RBBP8NL: variants seen among roughly 807,000 people sequenced by gnomAD.
The protein encoded by RBBP8NL is RBBP8 N-terminal like.
In RBBP8NL, 59 loss-of-function variants were observed where a neutral mutation model predicts 62.2. That is an observed-to-expected ratio of 0.95 (90% confidence interval 0.77 to 1.18). The LOEUF (loss-of-function observed/expected upper bound fraction) is 1.18, where lower values mean the gene tolerates loss of function less well. Among genes scored for constraint, RBBP8NL ranks in the 50% most tolerant of loss-of-function variants. The pLI, the probability that RBBP8NL is intolerant of heterozygous loss-of-function variation, is 0.00. For missense variants in RBBP8NL, 896 were observed against 899.5 expected (o/e 1.00, Z 0.05); for synonymous variants, 412 against 394.1 (o/e 1.05, Z -0.54).
intron 1 of RBBP8NL, among the ~76,000 whole-genome samples, chr20:62,422,710 G>C (rs1167782345): frequency 7.1e-6 from 1 of 140,862 alleles, no homozygotes; most frequent in Non-Finnish European, 1.5e-5. Flanking sequence ...CTTGGAAGGA[G>C]GGTGTCCTAA....
At chr20:62,421,984 G>A (rs6121588) in intron 1 of RBBP8NL, among the ~76,000 whole-genome samples, 59,753 of 152,018 alleles carry the variant, frequency 0.39, 12,817 homozygotes, top group East Asian at 0.63. Context: ...CAACTGTGTC[G>A]GCCTCCTCCC....
chr20:62,410,801 A>G lies in RBBP8NL; in HGVS notation c.*77T>C, dbSNP rs1172233988. 2.7e-5 allele frequency: 26 copies of G among 954,932 alleles called. No homozygotes were observed. The highest frequency in any genetic ancestry group is 3.1e-4 in the Middle Eastern group (1 of 3,258). The allele number at this position is 954,932 out of a possible 1,614,324, so 59.2% of individuals were successfully genotyped here. A position where few individuals can be genotyped will look rare whatever the true frequency, so the allele number is the denominator to read the frequency against. On this transcript the variant is annotated 3_prime_UTR_variant, in exon 14 of 14. Coordinates refer to ENST00000252998, the MANE Select transcript of RBBP8NL (RefSeq NM_080833.3). ...CTGTGCAGGGCTGCCTGCTGGTTGG[A>G]TGGTGTGCCCTCTCCAGGCCCTGGT... is the stretch of plus-strand genomic sequence containing the variant.
Position 62,417,409 on chromosome 20 carries a change from T to C in RBBP8NL, c.105-90A>G, listed in dbSNP as rs1257616422. 3.9e-6 allele frequency: 4 copies of C among 1,016,236 alleles called. No homozygotes were observed. The Admixed American group carries it at 8.6e-5, about 22-fold the overall frequency. The allele number at this position is 1,016,236 out of a possible 1,614,324, so 63.0% of individuals were successfully genotyped here. On this transcript the variant is annotated intron_variant, in intron 3 of 13. Transcript: ENST00000252998. ...ATCCAGCCTGGGGGGGCAGCGCGAT[T>C]CGGCACCTGCAGCCTTGGTCTGGGG...
chr20:62,420,923 G>T (rs998976730), intron 1 of RBBP8NL, among the ~76,000 whole-genome samples: 1 of 152,248 alleles, frequency 6.6e-6, no homozygotes, highest in Non-Finnish European at 1.5e-5. Context: ...CTGGGGACCT[G>T]GGCTGGAGCA....
intron 1 of RBBP8NL, among the ~76,000 whole-genome samples, chr20:62,420,350 GCACACACACACACACACACACA>G (rs55946617): frequency 7.7e-6 from 1 of 129,768 alleles, no homozygotes; most frequent in African/African-American, 3.0e-5. Context: ...TGTCCCACAG[GCACACACACACACACACACACA>G]CACACACACA....
intron 10 of RBBP8NL, 64 bp from the exon 11 acceptor site, chr20:62,413,609 C>A: frequency 6.7e-7 from 1 of 1,493,190 alleles, no homozygotes; most frequent in Non-Finnish European, 8.9e-7. Context: ...CAACTCAGCC[C>A]TGGACAGCCG....
intron 9 of RBBP8NL, 129 bp from the exon 10 acceptor site, chr20:62,414,685 A>T: frequency 2.8e-6 from 3 of 1,077,084 alleles, no homozygotes; most frequent in Non-Finnish European, 2.5e-6. Flanking sequence ...GAGGTGCAGC[A>T]AGCTGCATGG....
intron 1 of RBBP8NL, among the ~76,000 whole-genome samples, chr20:62,425,172 C>T (rs1457612937): frequency 1.3e-5 from 2 of 152,178 alleles, no homozygotes; most frequent in Non-Finnish European, 2.9e-5. Flanking sequence ...TAGACAGGAG[C>T]GCTCAGTGAG....
chr20:62,413,296 G>A (rs780281718), intron 11 of RBBP8NL, 105 bp downstream of exon 11: 121 of 1,314,596 alleles, frequency 9.2e-5, no homozygotes, highest in Non-Finnish European at 1.2e-4. Flanking sequence ...GCAGGGCAGA[G>A]CTGGGCCTGG....
At position 62,416,300 on chromosome 20, in the gene RBBP8NL, C is replaced by T. The variant is rs937769719; in HGVS notation, c.314-64G>A. 1.8e-5 allele frequency: 23 copies of T among 1,263,612 alleles called. No individual in the cohort carries two copies. The African/African-American group carries it at 1.9e-4, about 11-fold the overall frequency. 78.3% of individuals were successfully genotyped at this position (1,263,612 alleles called of 1,614,324 possible). ...GGGGGGACAGGGGCAGGGGTGGGGT[C>T]GTCACAGCACCAGGGAAGCCCCTCA... On this transcript the variant is annotated intron_variant, in intron 5 of 13. Transcript: ENST00000252998.
At chr20:62,424,297 G>GT (rs1331255237) in intron 1 of RBBP8NL, among the ~76,000 whole-genome samples, 1 of 152,094 alleles carries the variant, frequency 6.6e-6, no homozygotes, top group South Asian at 2.1e-4. Flanking sequence ...CTGGGCCGTG[G>GT]GGGGGGCAGG....
intron 1 of RBBP8NL, among the ~76,000 whole-genome samples, chr20:62,425,962 ATAGCAGTGGCAGTGGCAG>A (rs1355561282): frequency 3.4e-5 from 5 of 148,836 alleles, no homozygotes; most frequent in South Asian, 2.1e-4. Flanking sequence ...TGGGAGTGGC[ATAGCAGTGGCAGTGGCAG>A]TAGCAGTGGC....
In RBBP8NL at chr20:62,414,401, G is replaced by A. The variant is rs868166821; in HGVS notation, c.950C>T (p.Pro317Leu). The part of the protein sequence containing the change: ...PLAPAAAPSD[P>L]RLQDLKAREA... ...TCTGGCCTTCAGGTCCTGGAGCCGG[G>A]GGTCGCTGGGGGCTGCAGCAGGGGC... The change falls in exon 10 of 14, where the codon CCC (proline) becomes CTC (leucine). Residue 317 changes from proline to leucine, a missense_variant. By Grantham distance (98) the Pro-to-Leu change is moderately conservative. Transcript: ENST00000252998. 1.3e-6 allele frequency: 2 copies of A among 1,534,906 alleles called. No individual in the cohort carries two copies. The highest frequency in any genetic ancestry group is 2.0e-5 in the Admixed American group (1 of 50,716).
intron 1 of RBBP8NL, among the ~76,000 whole-genome samples, chr20:62,422,564 A>C (rs1226593524): frequency 0.011 from 58 of 5,102 alleles, no homozygotes; most frequent in Admixed American, 0.017. Context: ...GGGGACGGGG[A>C]CTGGGGTGGG....
In RBBP8NL at chr20:62,415,442, T is replaced by C. The variant is rs930014062; in HGVS notation, c.627+136A>G. ...CCCACGCCAAATGGAGCGCAGTGGCTCCTGCCCGGGACAAAGGAGGGGCAC... is the reference window on the plus strand; with the variant it reads ...CCCACGCCAAATGGAGCGCAGTGGCCCCTGCCCGGGACAAAGGAGGGGCAC... On this transcript the variant is annotated intron_variant, in intron 8 of 13. Transcript: ENST00000252998. 1.5e-5 allele frequency: 20 copies of C among 1,372,092 alleles called. No individual in the cohort carries two copies. In the African/African-American group the frequency reaches 2.0e-4, roughly 14 times the overall value. The allele number at this position is 1,372,092 out of a possible 1,614,324, so 85.0% of individuals were successfully genotyped here.
chr20:62,423,425 AG>A (rs138254570), intron 1 of RBBP8NL, among the ~76,000 whole-genome samples: 1,553 of 152,242 alleles, frequency 0.01, 9 homozygotes, highest in Non-Finnish European at 0.016. Flanking sequence ...CCTGGGAGGA[AG>A]ATGTCAGAGC....
At chr20:62,411,937 G>A (rs570636040) in intron 13 of RBBP8NL, among the ~76,000 whole-genome samples, 13 of 152,386 alleles carry the variant, frequency 8.5e-5, no homozygotes, top group East Asian at 1.9e-4. Flanking sequence ...GGCCTTGCCC[G>A]GAGAAAAACC....
At chr20:62,421,911 A>ATGTGTGTGTGC (rs1569027482) in intron 1 of RBBP8NL, among the ~76,000 whole-genome samples, 3 of 151,570 alleles carry the variant, frequency 2.0e-5, no homozygotes, top group African/African-American at 7.3e-5. Flanking sequence ...GCCAGTGTGC[A>ATGTGTGTGTGC]TGTGTGTGTG....
Position 62,414,403 on chromosome 20 carries a change from G to A in RBBP8NL, c.948C>T (p.Asp316=), listed in dbSNP as rs766191448. 2.0e-6 allele frequency: 3 copies of A among 1,535,652 alleles called. No homozygotes were observed. Among genetic ancestry groups the A allele is most frequent in the South Asian group, 1.2e-5 (1 of 83,662 alleles). Residue 316 remains aspartate (D), a synonymous_variant, in exon 10 of 14, where the codon GAC becomes GAT. Transcript: ENST00000252998. The part of the protein sequence containing the change: ...SPLAPAAAPS[D]PRLQDLKARE... ...TGGCCTTCAGGTCCTGGAGCCGGGG[G>A]TCGCTGGGGGCTGCAGCAGGGGCCA...
Sources: allele counts gnomAD v4.1 joint callset (sites outside exome capture counted in the v4.1 genomes callset), GRCh38; gene constraint gnomAD v4.1.1; transcripts MANE v1.5; gene names NCBI Gene and HGNC (gene_info 2026-07-23, HGNC 2026-07-21).